OTUD7A: variants seen among roughly 807,000 people sequenced by gnomAD.
The protein encoded by OTUD7A is OTU deubiquitinase 7A, also known as OTU domain-containing protein 7A.
In OTUD7A, 12 loss-of-function variants were observed where a neutral mutation model predicts 65.7. The observed-to-expected ratio is 0.18, with a 90% CI of 0.12 to 0.30. The LOEUF is 0.30. Among genes scored for constraint, OTUD7A ranks in the 10% least tolerant of loss-of-function variants. The pLI is 1.00. For synonymous variants in OTUD7A, 641 were observed against 586.3 expected, an observed-to-expected ratio of 1.09 and a Z score of -1.35; for missense variants, 1,148 against 1,304.8, an observed-to-expected ratio of 0.88 and a Z score of 1.85.
At chr15:31,490,726 G>T (rs1395829830) in intron 10 of OTUD7A, among the ~76,000 whole-genome samples, 1 of 152,230 alleles carries the variant, frequency 6.6e-6, no homozygotes, top group African/African-American at 2.4e-5. Flanking sequence ...ACATGCACCT[G>T]CAGGCTCCTC....
At chr15:31,767,037 T>C in intron 1 of OTUD7A, 1 of 1,603,050 alleles carries the variant, frequency 6.2e-7, no homozygotes, top group Non-Finnish European at 8.5e-7. Flanking sequence ...TTAAATTAAC[T>C]AGCTGCATTT....
intron 3 of OTUD7A, among the ~76,000 whole-genome samples, chr15:31,626,265 C>T (rs1379204112): frequency 7.9e-5 from 12 of 152,070 alleles, no homozygotes; most frequent in East Asian, 1.9e-4. Context: ...ATGTAAGCTA[C>T]GTATCTACAA....
intron 1 of OTUD7A, among the ~76,000 whole-genome samples, chr15:31,694,701 G>GT (rs1893034688): frequency 6.6e-6 from 1 of 152,086 alleles, no homozygotes; most frequent in African/African-American, 2.4e-5. Flanking sequence ...CCACACATAA[G>GT]TGAGATCATG....
chr15:31,866,473 T>C (rs1412937774), intron 1 of OTUD7A, among the ~76,000 whole-genome samples: 1 of 152,188 alleles, frequency 6.6e-6, no homozygotes. Flanking sequence ...ACTTCTCCCG[T>C]CTGTTACTAT....
intron 3 of OTUD7A, among the ~76,000 whole-genome samples, chr15:31,600,346 T>C (rs924112759): frequency 1.6e-4 from 25 of 152,188 alleles, no homozygotes; most frequent in African/African-American, 5.8e-4. Flanking sequence ...CAGAATTTCA[T>C]ATCCAGCCCA....
At chr15:31,539,700 T>C (rs1887928565) in intron 5 of OTUD7A, among the ~76,000 whole-genome samples, 1 of 152,200 alleles carries the variant, frequency 6.6e-6, no homozygotes. Flanking sequence ...TATAGGAGAA[T>C]GTCTTTATTT....
rs1490990633 is a variant in OTUD7A, at chr15:31,772,271, AT to A, written c.-100+98235del. 3.1e-3 allele frequency among the ~76,000 whole-genome samples: 461 copies of A among 150,806 alleles called. 1 individual carries two copies. Among genetic ancestry groups the A allele is most frequent in the African/African-American group, 0.01 (411 of 40,692 alleles). ...CGTCTCAAAAAAAAAAAAAAAAAAA[AT>A]ATTTTAGAGTGTTGATTTATTTACC... On this transcript the variant is annotated intron_variant, in intron 1 of 12. Coordinates refer to ENST00000307050, the MANE Select transcript of OTUD7A (RefSeq NM_001382637.1).
intron 1 of OTUD7A, among the ~76,000 whole-genome samples, chr15:31,853,455 T>C (rs2141007352): frequency 6.6e-6 from 1 of 152,322 alleles, no homozygotes; most frequent in Non-Finnish European, 1.5e-5. Context: ...CTACTGAGTG[T>C]ACCAGAACCA....
chr15:31,632,839 C>T (rs1891217488), intron 3 of OTUD7A, among the ~76,000 whole-genome samples: 1 of 152,240 alleles, frequency 6.6e-6, no homozygotes, highest in Non-Finnish European at 1.5e-5. Flanking sequence ...GCCCCTCCCC[C>T]AGCCTCACTG....
In OTUD7A at chr15:31,798,771, G is replaced by A. The variant is rs549089865; in HGVS notation, c.-100+71736C>T. ...CGTTGTTCTGGTTCCCAGCCCCCAC[G>A]GCCCCAGAGGCCAGAAGGAAGCCAG... On this transcript the variant is annotated intron_variant, in intron 1 of 12. Coordinates refer to ENST00000307050, the MANE Select transcript of OTUD7A (RefSeq NM_001382637.1). Among the ~76,000 whole-genome samples the A allele has an allele frequency of 6.0e-4, 92 of 152,312 alleles. 3 individuals carry two copies. In the South Asian group the frequency reaches 0.018, roughly 29 times the overall value.
chr15:31,631,495 G>A (rs1481743534), intron 3 of OTUD7A, among the ~76,000 whole-genome samples: 1 of 152,252 alleles, frequency 6.6e-6, no homozygotes, highest in Non-Finnish European at 1.5e-5. Flanking sequence ...TGGGTTACCC[G>A]ACCTTTCTCT....
chr15:31,639,025 T>G (rs1891430553), intron 3 of OTUD7A, among the ~76,000 whole-genome samples: 2 of 152,044 alleles, frequency 1.3e-5, no homozygotes, highest in Admixed American at 6.5e-5. Flanking sequence ...TCGCAGCTAC[T>G]CGGGAGGCTG....
chr15:31,830,037 C>G (rs1896893091), intron 1 of OTUD7A, among the ~76,000 whole-genome samples: 1 of 152,190 alleles, frequency 6.6e-6, no homozygotes, highest in Non-Finnish European at 1.5e-5. Context: ...TCCAAACATA[C>G]CTCAAGAGGC....
At chr15:31,814,045 G>C (rs925061905) in intron 1 of OTUD7A, among the ~76,000 whole-genome samples, 6 of 152,188 alleles carry the variant, frequency 3.9e-5, no homozygotes, top group African/African-American at 1.4e-4. Flanking sequence ...ATGTAGACTA[G>C]GTCACCATGG....
In OTUD7A at chr15:31,686,349, A is replaced by T. The variant is rs150656898; in HGVS notation, c.-99-29272T>A. Among the ~76,000 whole-genome samples, 882 of 152,334 alleles carry T rather than the reference A, an allele frequency of 5.8e-3. 16 individuals are homozygous for T. The highest frequency in any genetic ancestry group is 6.7e-3 in the Non-Finnish European group (455 of 68,026). ...GCGTGGAGCTCACTCAAGACTAGAGAGCTCAGGTTTCCAAGTGGACAGACA... is the reference window on the plus strand; with the variant it reads ...GCGTGGAGCTCACTCAAGACTAGAGTGCTCAGGTTTCCAAGTGGACAGACA... On this transcript the variant is annotated intron_variant, in intron 1 of 12. Coordinates refer to ENST00000307050, the MANE Select transcript of OTUD7A (RefSeq NM_001382637.1).
At chr15:31,591,989 A>G (rs1437877385) in intron 3 of OTUD7A, among the ~76,000 whole-genome samples, 2 of 152,216 alleles carry the variant, frequency 1.3e-5, no homozygotes, top group African/African-American at 4.8e-5. Context: ...TTGTGCATCT[A>G]AACATGTCTA....
chr15:31,583,599 T>A (rs766543154), intron 3 of OTUD7A, among the ~76,000 whole-genome samples: 11 of 151,836 alleles, frequency 7.2e-5, no homozygotes, highest in Non-Finnish European at 1.3e-4. Context: ...GGGAAGCCCC[T>A]TCTGCTTGGT....
chr15:31,696,952 G>C (rs1893098397), intron 1 of OTUD7A, among the ~76,000 whole-genome samples: 3 of 151,116 alleles, frequency 2.0e-5, no homozygotes, highest in Admixed American at 2.0e-4. Flanking sequence ...CTGGGTGTGG[G>C]GTGGCCTCTG....
chr15:31,627,275 G>A (rs1410132351), intron 3 of OTUD7A, among the ~76,000 whole-genome samples: 1 of 125,772 alleles, frequency 8.0e-6, no homozygotes, highest in Non-Finnish European at 1.6e-5. Flanking sequence ...GGAGTGTGAT[G>A]TTCCCCTTCC....
Sources: gnomAD v4.1 joint callset for allele counts (sites outside exome capture counted in the v4.1 genomes callset) on GRCh38, gnomAD v4.1.1 for gene constraint, MANE v1.5 for transcripts, NCBI Gene and HGNC (gene_info 2026-07-23, HGNC 2026-07-21) for gene names.